RMI1: variants seen among roughly 807,000 people sequenced by gnomAD.
RMI1 encodes the protein recQ-mediated genome instability protein 1.
In RMI1, 36 loss-of-function variants were observed where a neutral mutation model predicts 46.7. That is an observed-to-expected ratio of 0.77 (90% CI 0.59 to 1.02). The LOEUF is 1.02. RMI1 is among the 50% of genes least tolerant of loss of function. The pLI is 0.00. For missense variants in RMI1, 676 were observed against 713.7 expected, an observed-to-expected ratio of 0.95 and a Z score of 0.60; for synonymous variants, 250 against 252.9, an observed-to-expected ratio of 0.99 and a Z score of 0.11.
rs374025279 is a variant in RMI1, at chr9:84,001,952, A to G, written c.966A>G (p.Leu322=). The G allele has an allele frequency of 1.2e-6, 2 of 1,614,090 alleles. No homozygotes were observed. The highest frequency in any genetic ancestry group is 1.1e-5 in the South Asian group (1 of 91,080). The change falls in exon 3 of 3, where the codon TTA becomes TTG. Residue 322 remains leucine (L), a synonymous_variant. Coordinates refer to ENST00000445877, the MANE Select transcript of RMI1 (RefSeq NM_001358291.2). ...TTTCACTGGAGGAGGCCTTGCTTTTAGAAGAAACTGTCCAGAAAGAACAGA... is the reference window on the plus strand; with the variant it reads ...TTTCACTGGAGGAGGCCTTGCTTTTGGAAGAAACTGTCCAGAAAGAACAGA... ...DDFSLEEALL[L]EETVQKEQME... is the part of the protein sequence containing the mutation.
intron 1 of RMI1, among the ~76,000 whole-genome samples, chr9:83,986,189 G>A (rs1361765982): frequency 1.3e-5 from 2 of 152,200 alleles, no homozygotes; most frequent in Non-Finnish European, 2.9e-5. Context: ...CTTAACCGCA[G>A]CACTATGTCG....
intron 1 of RMI1, among the ~76,000 whole-genome samples, chr9:83,992,496 C>T (rs1957589378): frequency 6.6e-6 from 1 of 151,318 alleles, no homozygotes; most frequent in Admixed American, 6.6e-5. Flanking sequence ...AAACATGGCA[C>T]TAAGTAGAGC....
chr9:83,981,221 G>A (rs1957383082), intron 1 of RMI1, among the ~76,000 whole-genome samples: 1 of 152,340 alleles, frequency 6.6e-6, no homozygotes, highest in South Asian at 2.1e-4. Flanking sequence ...GTTTCACAGG[G>A]CTCTCGGTTC....
At chr9:83,983,245 A>G (rs1957445315) in intron 1 of RMI1, among the ~76,000 whole-genome samples, 1 of 152,230 alleles carries the variant, frequency 6.6e-6, no homozygotes, top group Non-Finnish European at 1.5e-5. Context: ...AACTAGCACT[A>G]AGAGAAGCTA....
Position 84,001,315 on chromosome 9 carries a change from A to G in RMI1, c.329A>G (p.Asn110Ser). Residue 110 changes from asparagine (N) to serine (S), a missense_variant, in exon 3 of 3, where the codon AAT (asparagine) becomes AGT (serine). Transcript: ENST00000445877. ...CAGATACAGAAGTTGAGAGGAAAGA[A>G]TACAACAAATGATCTAGTTACAGCT... is the stretch of plus-strand genomic sequence containing the variant. ...YSQIQKLRGK[N>S]TTNDLVTAEA... is the part of the protein sequence containing the mutation. The G allele has an allele frequency of 6.2e-7, 1 of 1,614,178 alleles. No homozygotes were observed. The highest frequency in any genetic ancestry group is 8.5e-7 in the Non-Finnish European group (1 of 1,180,006).
Position 84,001,519 on chromosome 9 carries a change from G to GTGTTCTC in RMI1, c.535_541dup (p.Leu181CysfsTer15). The GTGTTCTC allele has an allele frequency of 6.2e-7, 1 of 1,613,830 alleles. No homozygotes were observed. Among genetic ancestry groups the GTGTTCTC allele is most frequent in the Non-Finnish European group, 8.5e-7 (1 of 1,179,974 alleles). On this transcript the variant is annotated frameshift_variant, in exon 3 of 3. Transcript: ENST00000445877. LOFTEE classifies it high-confidence loss of function. The stretch of plus-strand genomic sequence containing the variant: ...TATGGAAATATATCTTTCCGTCTTG[G>GTGTTCTC]TGTTCTCTTATTGAAACCAGAAAAC...
chr9:83,983,706 A>G (rs569645396), intron 1 of RMI1, among the ~76,000 whole-genome samples: 1 of 151,460 alleles, frequency 6.6e-6, no homozygotes, highest in Admixed American at 6.6e-5. Flanking sequence ...TTCCCACTTT[A>G]TTTTCTTTTG....
chr9:84,003,026 G>T lies in RMI1; in HGVS notation c.*162G>T. 6.2e-6 allele frequency: 3 copies of T among 481,692 alleles called. No individual in the cohort carries two copies. The highest frequency in any genetic ancestry group is 5.9e-4 in the Middle Eastern group (1 of 1,708). The allele number at this position is 481,692 out of a possible 1,614,324, so 29.8% of individuals were successfully genotyped here. A position where few individuals can be genotyped will look rare whatever the true frequency, so the allele number is the denominator to read the frequency against. On this transcript the variant is annotated 3_prime_UTR_variant, in exon 3 of 3. Transcript: ENST00000445877. ...TTTAATCATGTTTGTTATATGTGGA[G>T]CTTTTGAAAATAAGTTAATCTTTTT...
At position 83,980,840 on chromosome 9, in the gene RMI1, A is replaced by AGTTGCGCTGCCCAGGGACCGAT. The variant is rs1957364434; in HGVS notation, c.-169_-148dup. On this transcript the variant is annotated 5_prime_UTR_variant, in exon 1 of 3. In the 5' UTR this introduces an upstream ATG that the reference lacks. Coordinates refer to ENST00000445877, the MANE Select transcript of RMI1 (RefSeq NM_001358291.2). ...GCGCCGCGGCGGTTCCTGTCCTTAC[A>AGTTGCGCTGCCCAGGGACCGAT]GTTGCGCTGCCCAGGGACCGATGTT... 6.6e-6 allele frequency: 1 copy of AGTTGCGCTGCCCAGGGACCGAT among 152,410 alleles called. No homozygotes were observed. The highest frequency in any genetic ancestry group is 6.5e-5 in the Admixed American group (1 of 15,288). The allele number at this position is 152,410 out of a possible 1,614,324, so 9.4% of individuals were successfully genotyped here. A position where few individuals can be genotyped will look rare whatever the true frequency, so the allele number is the denominator to read the frequency against.
chr9:83,981,721 C>A (rs2133092994), intron 1 of RMI1, among the ~76,000 whole-genome samples: 2 of 152,322 alleles, frequency 1.3e-5, no homozygotes, highest in South Asian at 4.1e-4. Context: ...TGGCCGAATA[C>A]ATGCATATAT....
At chr9:84,000,567 T>C (rs970838487) in intron 2 of RMI1, among the ~76,000 whole-genome samples, 1 of 152,236 alleles carries the variant, frequency 6.6e-6, no homozygotes, top group African/African-American at 2.4e-5. Context: ...CTAATGTAAC[T>C]ACTGTTTACT....
chr9:83,998,076 C>T (rs1195756355), intron 1 of RMI1, among the ~76,000 whole-genome samples: 1 of 152,128 alleles, frequency 6.6e-6, no homozygotes, highest in South Asian at 2.1e-4. Flanking sequence ...GGTTTACAGG[C>T]GTGAGCTACC....
intron 1 of RMI1, among the ~76,000 whole-genome samples, chr9:83,993,655 G>T (rs768905500): frequency 3.9e-5 from 6 of 152,008 alleles, no homozygotes; most frequent in African/African-American, 4.8e-5. Flanking sequence ...TTATTTTCTG[G>T]TTTTTTGATA....
At chr9:84,000,855 A>G in intron 2 of RMI1, 96 bp from the exon 3 acceptor site, 1 of 639,496 alleles carries the variant, frequency 1.6e-6, no homozygotes, top group Admixed American at 2.9e-5. Flanking sequence ...AGAGTGAAAA[A>G]TCTAAAGGGT....
chr9:83,985,726 C>G (rs180947086), intron 1 of RMI1, among the ~76,000 whole-genome samples: 2 of 152,236 alleles, frequency 1.3e-5, no homozygotes, highest in African/African-American at 4.8e-5. Flanking sequence ...GTAGCACATA[C>G]GGCCGGGCGC....
chr9:83,989,283 A>AT (rs1419864563), intron 1 of RMI1, among the ~76,000 whole-genome samples: 2 of 152,186 alleles, frequency 1.3e-5, no homozygotes, highest in Non-Finnish European at 2.9e-5. Context: ...CTGGGCAAAG[A>AT]TTTTTTTGAG....
In RMI1 at chr9:84,001,357, C is replaced by G. The variant is rs1364048611; in HGVS notation, c.371C>G (p.Pro124Arg). 1.9e-6 allele frequency: 3 copies of G among 1,613,946 alleles called. No homozygotes were observed. In the Admixed American group the frequency reaches 5.0e-5, roughly 27 times the overall value. Residue 124 changes from proline to arginine, a missense_variant, in exon 3 of 3, where the codon CCA (proline) becomes CGA (arginine). Physicochemically the swap from Pro to Arg is moderately radical, Grantham distance 103. Transcript: ENST00000445877. ...GTTACAGCTGAAGCACAAGTAACCCCAAAACCTTGGGAAGCAAAGCCTTCA... is the reference window on the plus strand; with the variant it reads ...GTTACAGCTGAAGCACAAGTAACCCGAAAACCTTGGGAAGCAAAGCCTTCA... Reference protein sequence around the residue: ...DLVTAEAQVTPKPWEAKPSRM... With the variant: ...DLVTAEAQVTRKPWEAKPSRM...
Position 84,002,109 on chromosome 9 carries a change from G to GA in RMI1, c.1130dup (p.Asn377LysfsTer4), listed in dbSNP as rs1478572501. The GA allele has an allele frequency of 5.0e-6, 8 of 1,613,586 alleles. No homozygotes were observed. Among genetic ancestry groups the GA allele is most frequent in the East Asian group, 2.2e-5 (1 of 44,828 alleles). The stretch of plus-strand genomic sequence containing the variant: ...CAAAAATGGAAACAATAATTGGAGT[G>GA]AAAAAAATGTATCTGAACAAATGAC... On this transcript the variant is annotated frameshift_variant, in exon 3 of 3. Transcript: ENST00000445877. LOFTEE classifies it high-confidence loss of function.
At chr9:83,981,513 G>A (rs1339364675) in intron 1 of RMI1, among the ~76,000 whole-genome samples, 2 of 152,148 alleles carry the variant, frequency 1.3e-5, no homozygotes, top group African/African-American at 4.8e-5. Flanking sequence ...TAAGGCTCCT[G>A]TGCCAAGCTT....
Sources: gnomAD v4.1 joint callset for allele counts (sites outside exome capture counted in the v4.1 genomes callset) on GRCh38, gnomAD v4.1.1 for gene constraint, MANE v1.5 for transcripts, NCBI Gene and HGNC (gene_info 2026-07-23, HGNC 2026-07-21) for gene names.